CHERP: variants seen among roughly 807,000 people sequenced by gnomAD.
CHERP encodes calcium homeostasis endoplasmic reticulum protein.
In CHERP, 8 loss-of-function variants were observed where a neutral mutation model predicts 113.8. The ratio of observed to expected loss-of-function variants is 0.07; its 90% CI spans 0.04 to 0.13. CHERP has a LOEUF of 0.13. Ranked by LOEUF, CHERP falls within the 10% of genes least tolerant of loss-of-function variation. The pLI, the probability that CHERP is intolerant of heterozygous loss-of-function variation, is 1.00. For missense variants in CHERP, 884 were observed against 1,298.2 expected (o/e 0.68, Z 4.90); for synonymous variants, 559 against 524.5 (o/e 1.07, Z -0.90).
rs1250055854 is a variant in CHERP, at chr19:16,519,056, GGTGTAAGAACTGAGCT to G, written c.*87_*102del. On this transcript the variant is annotated 3_prime_UTR_variant, in exon 17 of 17. Coordinates refer to ENST00000546361, the MANE Select transcript of CHERP (RefSeq NM_006387.6). The surrounding 1 kb of genome is among the most constrained non-coding windows in gnomAD (Gnocchi z 6.0). The stretch of plus-strand genomic sequence containing the variant: ...CCTGTGGCTCTCCACAAGTGGAGAC[GGTGTAAGAACTGAGCT>G]GTCACTGCAATCTTCCTCTGCCAGT... The G allele has an allele frequency of 4.9e-6, 5 of 1,027,280 alleles. No homozygotes were observed. Among genetic ancestry groups the G allele is most frequent in the Non-Finnish European group, 7.1e-6 (5 of 700,752 alleles). The allele number at this position is 1,027,280 out of a possible 1,614,324, so 63.6% of individuals were successfully genotyped here. A position where few individuals can be genotyped will look rare whatever the true frequency, so the allele number is the denominator to read the frequency against.
At chr19:16,541,620 A>C in intron 2 of CHERP, 1 of 441,672 alleles carries the variant, frequency 2.3e-6, no homozygotes, top group Non-Finnish European at 4.0e-6. Flanking sequence ...CAGTCTGCAA[A>C]ACAACAGCAA....
chr19:16,522,000 C>T (rs2085620055), intron 11 of CHERP, among the ~76,000 whole-genome samples: 1 of 152,234 alleles, frequency 6.6e-6, no homozygotes, highest in Admixed American at 6.5e-5. Flanking sequence ...GCTTGCAATG[C>T]CTACCCTGGG....
chr19:16,527,971 C>T, intron 9 of CHERP, 109 bp downstream of exon 9: 2 of 1,104,808 alleles, frequency 1.8e-6, no homozygotes, highest in Non-Finnish European at 2.6e-6. Flanking sequence ...CAGAATATCC[C>T]TCATTGTTCC....
In CHERP at chr19:16,525,695, G is replaced by C; in HGVS notation, c.1306-18C>G. On this transcript the variant is annotated intron_variant, in intron 9 of 16. Coordinates refer to ENST00000546361, the MANE Select transcript of CHERP (RefSeq NM_006387.6). The surrounding 1 kb of genome is among the most constrained non-coding windows in gnomAD (Gnocchi z 6.5). ...TCTGGCGGCTGCAAGGGAAGGGACAGGCTTGAGCCCTGCGTGGTCTAGGCC... is the reference window on the plus strand; with the variant it reads ...TCTGGCGGCTGCAAGGGAAGGGACACGCTTGAGCCCTGCGTGGTCTAGGCC... 1 of 1,491,174 alleles carries C rather than the reference G, an allele frequency of 6.7e-7. No individual in the cohort carries two copies. The highest frequency in any genetic ancestry group is 8.9e-7 in the Non-Finnish European group (1 of 1,120,480). The allele number at this position is 1,491,174 out of a possible 1,614,324, so 92.4% of individuals were successfully genotyped here.
chr19:16,520,235 G>C lies in CHERP; in HGVS notation c.2376C>G (p.Ser792Arg). 1 of 1,613,466 alleles carries C rather than the reference G, an allele frequency of 6.2e-7. No individual in the cohort carries two copies. The highest frequency in any genetic ancestry group is 8.5e-7 in the Non-Finnish European group (1 of 1,180,026). Residue 792 changes from serine to arginine, a missense_variant, in exon 15 of 17, where the codon AGC becomes AGG. Coordinates refer to ENST00000546361, the MANE Select transcript of CHERP (RefSeq NM_006387.6). The surrounding 1 kb of genome is among the most constrained non-coding windows in gnomAD (Gnocchi z 4.0). Reference protein sequence around the residue: ...RSRSRSRSSRSRSRSQSRSRS... With the variant: ...RSRSRSRSSRRRSRSQSRSRS... ...GGGACCGCGACTGGGACCGGGAGCG[G>C]CTTCTGGAGGAGCGCGACCTGCTCC...
chr19:16,518,383 G>C lies in CHERP; in HGVS notation c.*776C>G, dbSNP rs918380652. On this transcript the variant is annotated 3_prime_UTR_variant, in exon 17 of 17. Transcript: ENST00000546361. ...CAGACTCCGAGGCAGCGCTCAACCTGAAGTGTCTTAGGCTGGTTTCCTGTT... is the reference window on the plus strand; with the variant it reads ...CAGACTCCGAGGCAGCGCTCAACCTCAAGTGTCTTAGGCTGGTTTCCTGTT... 2 of 152,102 alleles carry C rather than the reference G, an allele frequency of 1.3e-5. No homozygotes were observed. Among genetic ancestry groups the C allele is most frequent in the Non-Finnish European group, 2.9e-5 (2 of 68,026 alleles). The allele number at this position is 152,102 out of a possible 1,614,324, so 9.4% of individuals were successfully genotyped here.
rs916314293 is a variant in CHERP at position 16,523,117 on chromosome 19, G to T, written c.1915C>A (p.Pro639Thr). 6.5e-7 allele frequency: 1 copy of T among 1,546,940 alleles called. No homozygotes were observed. Among genetic ancestry groups the T allele is most frequent in the African/African-American group, 1.4e-5 (1 of 71,276 alleles). Residue 639 changes from proline (P) to threonine (T), a missense_variant, in exon 11 of 17, where the codon CCC (proline) becomes ACC (threonine). This residue lies in a region of CHERP where 464 missense variants were observed against 590.1 expected (regional missense o/e 0.79). Coordinates refer to ENST00000546361, the MANE Select transcript of CHERP (RefSeq NM_006387.6). This position sits in a 1 kb window ranked among gnomAD's most constrained non-coding sequence, Gnocchi z 4.0. ...TAGGGCACATTGGGGACCAGGCTGG[G>T]GTCATCGTGGTTGATGTGGGGTGGG... ...QGPPHINHDD[P>T]SLVPNVPYFD...
At chr19:16,539,954 T>TG (rs1261669417) in intron 2 of CHERP, 2 of 152,334 alleles carry the variant, frequency 1.3e-5, no homozygotes, top group African/African-American at 4.8e-5. Flanking sequence ...CTTGAGTAGC[T>TG]GGGGGTACGG....
At chr19:16,538,442 T>C (rs1249310368) in intron 2 of CHERP, among the ~76,000 whole-genome samples, 1 of 152,200 alleles carries the variant, frequency 6.6e-6, no homozygotes, top group Non-Finnish European at 1.5e-5. Context: ...CCCAGCACTT[T>C]GGGAAGCCAA....
chr19:16,520,964 A>ACTC lies in CHERP; in HGVS notation c.2115-53_2115-52insGAG. ...ACCACGTGACACCCACCCACAAGGA[A>ACTC]GTCGTGAAAAAGTCATCAGGAGTTA... On this transcript the variant is annotated intron_variant, in intron 12 of 16. Transcript: ENST00000546361. The surrounding 1 kb of genome is among the most constrained non-coding windows in gnomAD (Gnocchi z 4.0). 1 of 1,523,014 alleles carries ACTC rather than the reference A, an allele frequency of 6.6e-7. No homozygotes were observed. The highest frequency in any genetic ancestry group is 9.1e-7 in the Non-Finnish European group (1 of 1,099,174). The allele number at this position is 1,523,014 out of a possible 1,614,324, so 94.3% of individuals were successfully genotyped here. A position where few individuals can be genotyped will look rare whatever the true frequency, so the allele number is the denominator to read the frequency against.
intron 12 of CHERP, chr19:16,521,221 A>C: frequency 1.7e-6 from 1 of 572,986 alleles, no homozygotes; most frequent in South Asian, 2.1e-5. Flanking sequence ...AGCCCAGCAC[A>C]GGAAGGAGGG....
At position 16,529,942 on chromosome 19, in the gene CHERP, G is replaced by A. The variant is rs927412765; in HGVS notation, c.877-42C>T. ...CACCCGCTGCTCAGTATGCGGCCTT[G>A]GGGCTCGCTGCCTGGCGCCAGAGGA... On this transcript the variant is annotated intron_variant, in intron 7 of 16. Transcript: ENST00000546361. 4 of 1,581,568 alleles carry A rather than the reference G, an allele frequency of 2.5e-6. No individual in the cohort carries two copies. In the African/African-American group the frequency reaches 4.0e-5, roughly 16 times the overall value.
intron 2 of CHERP, among the ~76,000 whole-genome samples, chr19:16,539,204 G>A (rs1259643833): frequency 1.0e-4 from 15 of 148,774 alleles, no homozygotes; most frequent in African/African-American, 3.3e-4. Flanking sequence ...CTGGAGTGCA[G>A]TGGTGCGATC....
Position 16,542,387 on chromosome 19 carries a change from C to G in CHERP, c.-9G>C. ...GGCAGCGGCATCTCCATGGCTCCGGCCGCGGGGAACGTCCTCCGGCGCCAC... is the reference window on the plus strand; with the variant it reads ...GGCAGCGGCATCTCCATGGCTCCGGGCGCGGGGAACGTCCTCCGGCGCCAC... On this transcript the variant is annotated 5_prime_UTR_variant, in exon 1 of 17. Coordinates refer to ENST00000546361, the MANE Select transcript of CHERP (RefSeq NM_006387.6). 5.9e-6 allele frequency: 8 copies of G among 1,362,966 alleles called. No individual in the cohort carries two copies. Among genetic ancestry groups the G allele is most frequent in the Non-Finnish European group, 7.6e-6 (8 of 1,050,360 alleles). The allele number at this position is 1,362,966 out of a possible 1,614,324, so 84.4% of individuals were successfully genotyped here. A position where few individuals can be genotyped will look rare whatever the true frequency, so the allele number is the denominator to read the frequency against.
In CHERP at chr19:16,532,785, C is replaced by T. The variant is rs549884289; in HGVS notation, c.523-36G>A. On this transcript the variant is annotated intron_variant, in intron 4 of 16. Coordinates refer to ENST00000546361, the MANE Select transcript of CHERP (RefSeq NM_006387.6). The surrounding 1 kb of genome is among the most constrained non-coding windows in gnomAD (Gnocchi z 4.4). ...CGAGCCAATGACGAGTGAGCAGGGC[C>T]GCGGCTCCCCCAGGCACCCACTGCA... is the stretch of plus-strand genomic sequence containing the variant. 3.6e-5 allele frequency: 57 copies of T among 1,584,066 alleles called. No homozygotes were observed. Among genetic ancestry groups the T allele is most frequent in the African/African-American group, 8.0e-5 (6 of 74,608 alleles).
chr19:16,538,858 C>T (rs1057333030), intron 2 of CHERP, among the ~76,000 whole-genome samples: 41 of 152,042 alleles, frequency 2.7e-4, no homozygotes, highest in Admixed American at 3.3e-4. Context: ...TGTCTTCCTC[C>T]CCTGCTCATT....
intron 9 of CHERP, among the ~76,000 whole-genome samples, chr19:16,526,630 G>A (rs977348026): frequency 6.6e-6 from 1 of 152,072 alleles, no homozygotes; most frequent in Admixed American, 6.5e-5. Flanking sequence ...ACCATGCCCG[G>A]CTATTTTTTT....
At chr19:16,527,237 C>A (rs3786591) in intron 9 of CHERP, among the ~76,000 whole-genome samples, 15 of 152,358 alleles carry the variant, frequency 9.8e-5, no homozygotes, top group African/African-American at 3.4e-4. Context: ...AACTGCCCCC[C>A]CCAGCAGAGG....
intron 7 of CHERP, 59 bp from the exon 8 acceptor site, chr19:16,529,959 G>A (rs879768642): frequency 3.0e-5 from 46 of 1,556,822 alleles, no homozygotes; most frequent in Non-Finnish European, 3.6e-5. Context: ...GCTGCCTGGC[G>A]CCAGAGGACA....
Sources: gnomAD v4.1 joint callset for allele counts (sites outside exome capture counted in the v4.1 genomes callset) on GRCh38, gnomAD v4.1.1 for gene constraint, gnomAD v4.1.1 regional missense constraint, Gnocchi (gnomAD v3.1) non-coding constraint, MANE v1.5 for transcripts, NCBI Gene and HGNC (gene_info 2026-07-23, HGNC 2026-07-21) for gene names.